MYH15: variants seen among roughly 807,000 people sequenced by gnomAD.
The protein encoded by MYH15 is myosin-15.
In MYH15, 227 loss-of-function variants were observed where a neutral mutation model predicts 240.5. That is an observed-to-expected ratio of 0.94 (90% CI 0.85 to 1.05). The LOEUF (loss-of-function observed/expected upper bound fraction) is 1.05, where lower values mean the gene tolerates loss of function less well. MYH15 is among the 50% of genes least tolerant of loss of function. The pLI, the probability that MYH15 is intolerant of heterozygous loss-of-function variation, is 0.00. For missense variants in MYH15, 2,217 were observed against 2,247.5 expected, an observed-to-expected ratio of 0.99 and a Z score of 0.27; for synonymous variants, 785 against 796.7, an observed-to-expected ratio of 0.99 and a Z score of 0.25.
chr3:108,491,746 C>G (rs1468589172), intron 9 of MYH15, among the ~76,000 whole-genome samples: 2 of 152,158 alleles, frequency 1.3e-5, no homozygotes, highest in African/African-American at 4.8e-5. Context: ...GTTCAGAAAC[C>G]ATCGGAATAA....
chr3:108,391,672 G>T (rs1432847416), intron 37 of MYH15, 88 bp downstream of exon 37: 1 of 1,366,408 alleles, frequency 7.3e-7, no homozygotes, highest in Non-Finnish European at 1.0e-6. Flanking sequence ...GGGTATGTGT[G>T]TTGGGGGGCA....
rs1400052460 is a variant in MYH15 at position 108,405,461 on chromosome 3, A to G, written c.4621-8T>C. The G allele has an allele frequency of 6.9e-7, 1 of 1,445,204 alleles. No homozygotes were observed. The highest frequency in any genetic ancestry group is 2.1e-5 in the Admixed American group (1 of 47,558). 89.5% of individuals were successfully genotyped at this position (1,445,204 alleles called of 1,614,324 possible). ...ATTACGTTCCAGGGCTCCCTGGAAT[A>G]CATAAATAAAAAGCATTAAATGAAG... is the stretch of plus-strand genomic sequence containing the variant. On this transcript the variant is annotated splice_polypyrimidine_tract_variant and splice_region_variant and intron_variant, in intron 32 of 40. Transcript: ENST00000693548.
Position 108,439,717 on chromosome 3 carries a change from C to A in MYH15, c.3075+20G>T, listed in dbSNP as rs369932993. ...TATATGTAGACAGATAGATAACTAA[C>A]CAGATACACCGTTACTGACCTCATC... On this transcript the variant is annotated intron_variant, in intron 24 of 40. Transcript: ENST00000693548. The A allele has an allele frequency of 5.2e-6, 8 of 1,535,454 alleles. No homozygotes were observed. The highest frequency in any genetic ancestry group is 7.0e-6 in the Non-Finnish European group (8 of 1,141,682).
chr3:108,441,186 T>C lies in MYH15; in HGVS notation c.2730A>G (p.Arg910=). ...CCACCCTCTCCGACAGCTCCTTTAC[T>C]CTGGCCTCCAGCTGGATCTTGGATT... The part of the protein sequence containing the change: ...LIKSKIQLEA[R]VKELSERVEE... The change falls in exon 23 of 41, where the codon AGA becomes AGG. Residue 910 remains arginine, a synonymous_variant. Coordinates refer to ENST00000693548, the MANE Select transcript of MYH15 (RefSeq NM_014981.3). The C allele has an allele frequency of 1.2e-6, 2 of 1,614,128 alleles. No homozygotes were observed. Among genetic ancestry groups the C allele is most frequent in the Non-Finnish European group, 1.7e-6 (2 of 1,179,998 alleles).
intron 2 of MYH15, among the ~76,000 whole-genome samples, chr3:108,503,692 T>C (rs1297537992): frequency 6.6e-6 from 1 of 152,194 alleles, no homozygotes; most frequent in Non-Finnish European, 1.5e-5. Flanking sequence ...AATTCTTATA[T>C]GTTGCTGGTG....
chr3:108,400,197 T>G (rs1221669445), intron 33 of MYH15, among the ~76,000 whole-genome samples: 2 of 152,214 alleles, frequency 1.3e-5, no homozygotes, highest in African/African-American at 4.8e-5. Flanking sequence ...GGAAAGAACC[T>G]GGGTCTTTCA....
At chr3:108,527,666 A>G (rs185123356) in intron 1 of MYH15, among the ~76,000 whole-genome samples, 4 of 152,252 alleles carry the variant, frequency 2.6e-5, no homozygotes, top group Non-Finnish European at 5.9e-5. Flanking sequence ...GGTTTGAAAA[A>G]TATGTCACCA....
At chr3:108,490,485 C>T (rs752441726) in intron 9 of MYH15, among the ~76,000 whole-genome samples, 1 of 152,092 alleles carries the variant, frequency 6.6e-6, no homozygotes, top group Non-Finnish European at 1.5e-5. Flanking sequence ...TTCTCCCCTT[C>T]CAATGACTTC....
chr3:108,414,279 C>T lies in MYH15; in HGVS notation c.4098G>A (p.Lys1366=). 6.2e-7 allele frequency: 1 copy of T among 1,614,160 alleles called. No individual in the cohort carries two copies. The highest frequency in any genetic ancestry group is 8.5e-7 in the Non-Finnish European group (1 of 1,179,998). Reference sequence around the variant, plus strand: ...TTCTCTGGATGACATTGTTTTCATACTTCATTCTCCATTGCACCATTTCAG... The same window carrying T: ...TTCTCTGGATGACATTGTTTTCATATTTCATTCTCCATTGCACCATTTCAG... The part of the protein sequence containing the change: ...VNAEMVQWRM[K]YENNVIQRTE... Residue 1366 remains lysine (K), a synonymous_variant, in exon 30 of 41, where the codon AAG becomes AAA. Transcript: ENST00000693548.
In MYH15 at chr3:108,380,766, A is replaced by G. The variant is rs2082336337; in HGVS notation, c.*779T>C. On this transcript the variant is annotated 3_prime_UTR_variant, in exon 41 of 41. Coordinates refer to ENST00000693548, the MANE Select transcript of MYH15 (RefSeq NM_014981.3). ...AAGCTGTCACCATGCTTGGGTCTGT[A>G]CACTGACCTTATGAGTATAAAATAG... The G allele has an allele frequency of 6.6e-6, 1 of 152,310 alleles. No homozygotes were observed. Among genetic ancestry groups the G allele is most frequent in the South Asian group, 2.1e-4 (1 of 4,840 alleles). The allele number at this position is 152,310 out of a possible 1,614,324, so 9.4% of individuals were successfully genotyped here.
At chr3:108,539,955 GAAT>G in the MYH15 span, among the ~76,000 whole-genome samples, 1 of 152,030 alleles carries the variant, frequency 6.6e-6, no homozygotes, top group Non-Finnish European at 1.5e-5. Flanking sequence ...TTTAAAGCTA[GAAT>G]AATACCAAGC....
chr3:108,485,021 C>T, intron 11 of MYH15, 70 bp downstream of exon 11: 3 of 1,492,796 alleles, frequency 2.0e-6, no homozygotes, highest in Non-Finnish European at 1.8e-6. Context: ...AAGTTAACTG[C>T]AAGGTAAAGG....
rs753811965 is a variant in MYH15, at chr3:108,421,195, C to T, written c.3722G>A (p.Cys1241Tyr). 3 of 1,612,884 alleles carry T rather than the reference C, an allele frequency of 1.9e-6. No homozygotes were observed. The African/African-American group carries it at 4.0e-5, about 22-fold the overall frequency. ...ATGCAAGCGCTCTTCATATAGAGTA[C>T]AGAGTTTCTCAGCATTTGCCTATAA... ...TRAKANAEKLCTLYEERLHEA... is the reference protein window; with the variant it reads ...TRAKANAEKLYTLYEERLHEA... The change falls in exon 28 of 41, where the codon TGT becomes TAT. Residue 1241 changes from cysteine to tyrosine, a missense_variant. Physicochemically the swap from Cys to Tyr is radical, Grantham distance 194. Transcript: ENST00000693548.
chr3:108,498,249 T>C (rs1407374184), intron 5 of MYH15, 104 bp from the exon 6 acceptor site: 15 of 935,530 alleles, frequency 1.6e-5, no homozygotes, highest in Non-Finnish European at 2.2e-5. Context: ...GGGAAGCTTT[T>C]ACATAAAAGT....
At chr3:108,424,896 T>C (rs1027312199) in intron 27 of MYH15, among the ~76,000 whole-genome samples, 2 of 152,198 alleles carry the variant, frequency 1.3e-5, no homozygotes, top group African/African-American at 4.8e-5. Context: ...TTCCATAGAA[T>C]TGTGTGACCT....
At chr3:108,454,230 C>T in intron 20 of MYH15, 88 bp from the exon 21 acceptor site, 2 of 1,182,944 alleles carry the variant, frequency 1.7e-6, no homozygotes, top group Non-Finnish European at 2.3e-6. Flanking sequence ...TGTTGTGTTC[C>T]TAGGGATAAC....
At chr3:108,442,626 G>C (rs2082893598) in intron 22 of MYH15, among the ~76,000 whole-genome samples, 1 of 152,052 alleles carries the variant, frequency 6.6e-6, no homozygotes, top group African/African-American at 2.4e-5. Context: ...GCAGGATTTG[G>C]GGGCTGAGCA....
intron 21 of MYH15, among the ~76,000 whole-genome samples, chr3:108,451,897 T>C (rs2082977330): frequency 6.6e-6 from 1 of 150,554 alleles, no homozygotes; most frequent in African/African-American, 2.4e-5. Flanking sequence ...ATTGTTTCAA[T>C]AGATGCAGAT....
intron 12 of MYH15, among the ~76,000 whole-genome samples, chr3:108,473,409 A>T (rs572217221): frequency 1.3e-5 from 2 of 152,216 alleles, no homozygotes; most frequent in Non-Finnish European, 2.9e-5. Context: ...AGTGAGACAG[A>T]GGATATAAAC....
Sources: gnomAD v4.1 joint callset for allele counts (sites outside exome capture counted in the v4.1 genomes callset) on GRCh38, gnomAD v4.1.1 for gene constraint, MANE v1.5 for transcripts, NCBI Gene and HGNC (gene_info 2026-07-23, HGNC 2026-07-21) for gene names.